The following NTRK1 variants were observed in gnomAD, a reference collection of about 807,000 sequenced individuals.
NTRK1 encodes high affinity nerve growth factor receptor.
In NTRK1, 62 loss-of-function variants were observed where a neutral mutation model predicts 86.8. The ratio of observed to expected loss-of-function variants is 0.71; its 90% CI spans 0.58 to 0.88. NTRK1 has a LOEUF of 0.88. NTRK1 is among the 40% of genes least tolerant of loss of function. The probability of loss-of-function intolerance (pLI) is 0.00; values close to 1 mark genes in which losing one functional copy is unlikely to be tolerated. For missense variants in NTRK1, 967 were observed against 1,078.4 expected (o/e 0.90, Z 1.45); for synonymous variants, 469 against 456.6 (o/e 1.03, Z -0.35).
chr1:156,817,407 G>A (rs973139244), intron 1 of NTRK1, among the ~76,000 whole-genome samples: 2 of 151,516 alleles, frequency 1.3e-5, no homozygotes, highest in Middle Eastern at 3.2e-3. Context: ...AACATAGTGA[G>A]AGCCCATCAC....
At chr1:156,842,847 T>C (rs143586966) in intron 2 of NTRK1, among the ~76,000 whole-genome samples, 1 of 152,246 alleles carries the variant, frequency 6.6e-6, no homozygotes, top group East Asian at 1.9e-4. Context: ...CCTGTTTGAC[T>C]CTAACCCTAA....
At chr1:156,846,620 T>C in intron 2 of NTRK1, 1 of 1,614,184 alleles carries the variant, frequency 6.2e-7, no homozygotes, top group South Asian at 1.1e-5. Context: ...CACTGCGTAC[T>C]GTGTCCAAGG....
At chr1:156,825,201 C>T (rs1654289443) in intron 1 of NTRK1, among the ~76,000 whole-genome samples, 1 of 152,202 alleles carries the variant, frequency 6.6e-6, no homozygotes, top group Non-Finnish European at 1.5e-5. Context: ...GTAGGGACCT[C>T]TCTTATCCTG....
rs1647887954 is a variant in NTRK1, at chr1:156,876,122, A to G, written c.1544A>G (p.Glu515Gly). Residue 515 changes from glutamate (E) to glycine (G), a missense_variant, in exon 13 of 17, where the codon GAG becomes GGG. Coordinates refer to ENST00000524377, the MANE Select transcript of NTRK1 (RefSeq NM_002529.4). ...IKRRDIVLKW[E>G]LGEGAFGKVF... is the part of the protein sequence containing the mutation. Reference sequence around the variant, plus strand: ...CGCCGGGACATCGTGCTCAAGTGGGAGCTGGGGGAGGGCGCCTTTGGGAAG... The same window carrying G: ...CGCCGGGACATCGTGCTCAAGTGGGGGCTGGGGGAGGGCGCCTTTGGGAAG... 1.2e-6 allele frequency: 2 copies of G among 1,614,086 alleles called. No individual in the cohort carries two copies. Among genetic ancestry groups the G allele is most frequent in the Middle Eastern group, 1.6e-4 (1 of 6,062 alleles).
intron 2 of NTRK1, among the ~76,000 whole-genome samples, chr1:156,850,534 C>CTTTTTTTTT (rs35237064): frequency 3.6e-4 from 21 of 58,642 alleles, no homozygotes; most frequent in South Asian, 7.1e-4. Context: ...TTAAAACATT[C>CTTTTTTTTT]TTTTTTTTTT....
intron 2 of NTRK1, among the ~76,000 whole-genome samples, chr1:156,848,071 G>A (rs1558087764): frequency 6.6e-6 from 1 of 152,058 alleles, no homozygotes. Context: ...ATCAGTGGGG[G>A]GCGAGGCCCA....
chr1:156,832,403 G>T (rs1414832686), intron 1 of NTRK1, among the ~76,000 whole-genome samples: 1 of 152,286 alleles, frequency 6.6e-6, no homozygotes, highest in South Asian at 2.1e-4. Context: ...GGGAGAAGGG[G>T]TATAAGAAGG....
chr1:156,841,398 G>T (rs928486334), intron 1 of NTRK1: 3 of 1,613,604 alleles, frequency 1.9e-6, no homozygotes, highest in Non-Finnish European at 2.5e-6. Flanking sequence ...ACTCACAGCT[G>T]AAGGGGACAG....
At chr1:156,840,864 A>G in intron 1 of NTRK1, 1 of 1,598,368 alleles carries the variant, frequency 6.3e-7, no homozygotes, top group Non-Finnish European at 8.6e-7. Flanking sequence ...CCAGGGAATG[A>G]GGTGCCCCTC....
At chr1:156,840,980 G>A (rs779842284) in intron 1 of NTRK1, 21 of 1,613,492 alleles carry the variant, frequency 1.3e-5, no homozygotes, top group Non-Finnish European at 1.7e-5. Context: ...CGGCATTCCG[G>A]GCTGTAGTAG....
At position 156,853,931 on chromosome 1, in the gene NTRK1, A is replaced by G. The variant is rs1345822909; in HGVS notation, c.51-10423A>G. 1.9e-6 allele frequency: 3 copies of G among 1,614,064 alleles called. No homozygotes were observed. Among genetic ancestry groups the G allele is most frequent in the Admixed American group, 1.7e-5 (1 of 60,028 alleles). On this transcript the variant is annotated intron_variant, in intron 2 of 16. Coordinates refer to the NTRK1 transcript ENST00000392302. ...TGCTGGCTGCAGCAGTCCCCAGTCAATGGTGGAGAGGTGGCAGAGCTCCTG... is the reference window on the plus strand; with the variant it reads ...TGCTGGCTGCAGCAGTCCCCAGTCAGTGGTGGAGAGGTGGCAGAGCTCCTG...
chr1:156,860,108 C>T (rs1316150714), upstream of NTRK1, among the ~76,000 whole-genome samples: 1 of 152,276 alleles, frequency 6.6e-6, no homozygotes, highest in Non-Finnish European at 1.5e-5. Context: ...CCCTGCCCTG[C>T]CTTGCCCTAT....
intron 16 of NTRK1, among the ~76,000 whole-genome samples, chr1:156,881,129 A>G (rs1648231539): frequency 6.6e-6 from 1 of 152,064 alleles, no homozygotes; most frequent in Non-Finnish European, 1.5e-5. Context: ...AGCCCCCAAC[A>G]CTAAGCTGAT....
chr1:156,865,522 C>G (rs1265281529), intron 3 of NTRK1, among the ~76,000 whole-genome samples: 2 of 152,204 alleles, frequency 1.3e-5, no homozygotes, highest in South Asian at 2.1e-4. Flanking sequence ...TGCTGTGTGG[C>G]CCGGTTCCTA....
chr1:156,844,847 C>T (rs1437826163), intron 2 of NTRK1: 1 of 1,613,722 alleles, frequency 6.2e-7, no homozygotes, highest in Admixed American at 1.7e-5. Flanking sequence ...GCCTCTCCTG[C>T]GGGAAGGGGC....
intron 2 of NTRK1, chr1:156,852,320 G>A (rs1254997712): frequency 2.2e-6 from 2 of 902,530 alleles, no homozygotes; most frequent in African/African-American, 3.4e-5. Context: ...CCATTCAGAT[G>A]ACACTGGTTG....
chr1:156,834,799 G>C (rs550671072), intron 1 of NTRK1, among the ~76,000 whole-genome samples: 42 of 126,536 alleles, frequency 3.3e-4, no homozygotes, highest in African/African-American at 9.8e-4. Flanking sequence ...AGGAGATTCA[G>C]GAATGGGCCG....
intron 2 of NTRK1, chr1:156,851,973 C>T (rs1470906449): frequency 8.1e-6 from 13 of 1,608,966 alleles, no homozygotes; most frequent in Non-Finnish European, 1.0e-5. Flanking sequence ...CGGCCGGGCA[C>T]AGAGTGCAGG....
chr1:156,872,739 G>T (rs979976419), intron 7 of NTRK1, among the ~76,000 whole-genome samples: 2 of 149,344 alleles, frequency 1.3e-5, no homozygotes, highest in African/African-American at 5.0e-5. Context: ...GCAGTGGCGC[G>T]CTCTCGGCTC....
Sources: allele counts gnomAD v4.1 joint callset (sites outside exome capture counted in the v4.1 genomes callset), GRCh38; gene constraint gnomAD v4.1.1; transcripts MANE v1.5; gene names NCBI Gene and HGNC (gene_info 2026-07-23, HGNC 2026-07-21).